Variants in ADAMTS3 observed in about 807,000 individuals in gnomAD.
ADAMTS3 encodes the protein A disintegrin and metalloproteinase with thrombospondin motifs 3.
Under a neutral mutation model 129.0 loss-of-function variants are expected in ADAMTS3, and 73 were observed. That is an observed-to-expected ratio of 0.57 (90% CI 0.47 to 0.69). ADAMTS3 has a LOEUF of 0.69. Ranked by LOEUF, ADAMTS3 falls within the 30% of genes least tolerant of loss-of-function variation. The pLI, the probability that ADAMTS3 is intolerant of heterozygous loss-of-function variation, is 0.00. For synonymous variants in ADAMTS3, 477 were observed against 510.8 expected (o/e 0.93, Z 0.89); for missense variants, 1,457 against 1,514.5 (o/e 0.96, Z 0.63).
intron 3 of ADAMTS3, chr4:72,442,067 C>A (rs1718132457): frequency 6.6e-6 from 1 of 151,792 alleles, no homozygotes; most frequent in Non-Finnish European, 1.5e-5. Context: ...ACTAGCTGGA[C>A]AGATCTAAAG....
At chr4:72,480,849 A>C (rs984096182) in intron 3 of ADAMTS3, among the ~76,000 whole-genome samples, 1 of 151,892 alleles carries the variant, frequency 6.6e-6, no homozygotes, top group African/African-American at 2.4e-5. Flanking sequence ...AGAAACAATA[A>C]GTGAATTTAG....
intron 2 of ADAMTS3, among the ~76,000 whole-genome samples, chr4:72,559,681 C>A (rs1721852945): frequency 6.6e-6 from 1 of 151,696 alleles, no homozygotes. Flanking sequence ...ACACTAATAA[C>A]AATAGTTATG....
chr4:72,403,723 A>C (rs1442548534), intron 4 of ADAMTS3, among the ~76,000 whole-genome samples: 1 of 138,750 alleles, frequency 7.2e-6, no homozygotes, highest in Non-Finnish European at 1.6e-5. Context: ...ACTTAGAGAT[A>C]AAAAAATTTT....
intron 5 of ADAMTS3, among the ~76,000 whole-genome samples, chr4:72,326,403 T>A (rs1719700169): frequency 6.6e-6 from 1 of 152,116 alleles, no homozygotes; most frequent in African/African-American, 2.4e-5. Context: ...TCCTGAGATG[T>A]AGTGTTTTTA....
chr4:72,493,128 T>C (rs529671925), intron 3 of ADAMTS3, among the ~76,000 whole-genome samples: 5 of 152,074 alleles, frequency 3.3e-5, no homozygotes, highest in African/African-American at 9.6e-5. Flanking sequence ...GAACCTCTTA[T>C]AGACAACATA....
intron 4 of ADAMTS3, among the ~76,000 whole-genome samples, chr4:72,345,176 A>G (rs1223342181): frequency 6.6e-6 from 1 of 152,180 alleles, no homozygotes; most frequent in Non-Finnish European, 1.5e-5. Flanking sequence ...AACAATGAAT[A>G]CAGAATGAGG....
At position 72,295,777 on chromosome 4, in the gene ADAMTS3, T is replaced by C; in HGVS notation, c.2600A>G (p.Tyr867Cys). Residue 867 changes from tyrosine (Y) to cysteine (C), a missense_variant, in exon 19 of 22, where the codon TAC becomes TGC. Tyr to Cys is a radical substitution (Grantham distance 194). Coordinates refer to ENST00000286657, the MANE Select transcript of ADAMTS3 (RefSeq NM_014243.3). The stretch of plus-strand genomic sequence containing the variant: ...TTTCCTACGGCATCCATATTTAGTG[T>C]ACTGGAAACCTGGAAAAGGAAATAA... ...CSKPCGGGFQ[Y>C]TKYGCRRKSD... is the part of the protein sequence containing the mutation. 6.2e-7 allele frequency: 1 copy of C among 1,611,538 alleles called. No homozygotes were observed. Among genetic ancestry groups the C allele is most frequent in the African/African-American group, 1.3e-5 (1 of 74,910 alleles).
intron 3 of ADAMTS3, among the ~76,000 whole-genome samples, chr4:72,466,992 A>G (rs1404615473): frequency 2.6e-5 from 4 of 152,112 alleles, no homozygotes; most frequent in African/African-American, 9.7e-5. Context: ...TGTCACATTT[A>G]AAACCTCACT....
intron 2 of ADAMTS3, among the ~76,000 whole-genome samples, chr4:72,558,919 A>G (rs528440209): frequency 2.6e-5 from 4 of 151,890 alleles, no homozygotes; most frequent in Admixed American, 2.0e-4. Flanking sequence ...ATGTACTGGA[A>G]CTGTCAAAAA....
chr4:72,375,551 A>G (rs1345387871), intron 4 of ADAMTS3, among the ~76,000 whole-genome samples: 1 of 152,182 alleles, frequency 6.6e-6, no homozygotes, highest in Non-Finnish European at 1.5e-5. Flanking sequence ...GCTTGGCCTG[A>G]TTCAGTGTAT....
chr4:72,362,059 G>C (rs953207838), intron 4 of ADAMTS3, among the ~76,000 whole-genome samples: 1 of 151,960 alleles, frequency 6.6e-6, no homozygotes, highest in Admixed American at 6.6e-5. Flanking sequence ...GAAGTCTCAA[G>C]TGTTATTACC....
At chr4:72,374,952 T>TAC (rs1721101228) in intron 4 of ADAMTS3, among the ~76,000 whole-genome samples, 1 of 152,220 alleles carries the variant, frequency 6.6e-6, no homozygotes, top group African/African-American at 2.4e-5. Context: ...GTATTGCTTG[T>TAC]ATTGATCCGT....
At chr4:72,382,651 T>G (rs1297513372) in intron 4 of ADAMTS3, among the ~76,000 whole-genome samples, 2 of 152,150 alleles carry the variant, frequency 1.3e-5, no homozygotes, top group Non-Finnish European at 2.9e-5. Context: ...ATCAGTGAAC[T>G]GGATAAACAA....
At chr4:72,344,351 GA>G (rs1440981952) in intron 4 of ADAMTS3, among the ~76,000 whole-genome samples, 3 of 152,008 alleles carry the variant, frequency 2.0e-5, no homozygotes, top group Non-Finnish European at 4.4e-5. Flanking sequence ...TCTATGGTCT[GA>G]AAAAGGACAG....
rs1034152934 is a variant in ADAMTS3, at chr4:72,367,806, C to T, written c.662-28113G>A. On this transcript the variant is annotated intron_variant, in intron 4 of 21. Transcript: ENST00000286657. The stretch of plus-strand genomic sequence containing the variant: ...CGGAGCTTGCAGTGGGCGGAGATGG[C>T]GCCACTACACTCCAGCCTGGGCGAC... Among the ~76,000 whole-genome samples, 3 of 147,812 alleles carry T rather than the reference C, an allele frequency of 2.0e-5. No individual in the cohort carries two copies. The East Asian group carries it at 6.1e-4, about 30-fold the overall frequency.
intron 4 of ADAMTS3, among the ~76,000 whole-genome samples, chr4:72,401,621 A>G (rs921519708): frequency 9.3e-5 from 14 of 151,284 alleles, no homozygotes; most frequent in Admixed American, 1.3e-4. Flanking sequence ...AGAAAGGAAG[A>G]AAGAAAGAAA....
intron 4 of ADAMTS3, among the ~76,000 whole-genome samples, chr4:72,362,386 A>G (rs1720751275): frequency 6.6e-6 from 1 of 152,164 alleles, no homozygotes; most frequent in African/African-American, 2.4e-5. Flanking sequence ...GTGACTAGTC[A>G]TTTGTTTTCT....
chr4:72,348,167 G>C (rs1401784850), intron 4 of ADAMTS3, among the ~76,000 whole-genome samples: 2 of 151,986 alleles, frequency 1.3e-5, no homozygotes, highest in African/African-American at 4.8e-5. Context: ...TCCAGCAATG[G>C]ACGAGACAAA....
At chr4:72,400,324 G>GCA (rs1324526247) in intron 4 of ADAMTS3, among the ~76,000 whole-genome samples, 1 of 133,788 alleles carries the variant, frequency 7.5e-6, no homozygotes, top group South Asian at 2.4e-4. Context: ...CATGGTGTGT[G>GCA]TATATATACA....
Sources: gnomAD v4.1 joint callset for allele counts (sites outside exome capture counted in the v4.1 genomes callset) on GRCh38, gnomAD v4.1.1 for gene constraint, MANE v1.5 for transcripts, NCBI Gene and HGNC (gene_info 2026-07-23, HGNC 2026-07-21) for gene names.